The following ABCA13 variants were observed in gnomAD, a reference collection of about 807,000 sequenced individuals.
ABCA13 encodes the protein ATP-binding cassette sub-family A member 13.
A neutral mutation model predicts 478.7 loss-of-function variants in ABCA13; 476 were observed. The ratio of observed to expected loss-of-function variants is 0.99; its 90% CI spans 0.92 to 1.07. The LOEUF (loss-of-function observed/expected upper bound fraction) is 1.07, where lower values mean the gene tolerates loss of function less well. Ranked by LOEUF, ABCA13 falls within the 50% of genes least tolerant of loss-of-function variation. The pLI, the probability that ABCA13 is intolerant of heterozygous loss-of-function variation, is 0.00. For missense variants in ABCA13, 6,060 were observed against 5,910.6 expected (o/e 1.03, Z -0.83); for synonymous variants, 2,252 against 2,158.9 (o/e 1.04, Z -1.20).
At chr7:48,574,150 C>A (rs1787940855) in intron 55 of ABCA13, among the ~76,000 whole-genome samples, 1 of 152,024 alleles carries the variant, frequency 6.6e-6, no homozygotes, top group South Asian at 2.1e-4. Context: ...ACGATTCAAC[C>A]CATAACAACT....
At chr7:48,427,311 C>T (rs1821565886) in intron 41 of ABCA13, among the ~76,000 whole-genome samples, 1 of 152,184 alleles carries the variant, frequency 6.6e-6, no homozygotes, top group Non-Finnish European at 1.5e-5. Context: ...TATCATAGCC[C>T]ATGGAAAGCA....
chr7:48,417,148 G>A (rs17662136), intron 41 of ABCA13, among the ~76,000 whole-genome samples: 10,529 of 152,184 alleles, frequency 0.069, 420 homozygotes, highest in East Asian at 0.073. Context: ...CCGAAGAACA[G>A]GATCCCCCAG....
At chr7:48,313,615 T>C (rs1802097504) in intron 25 of ABCA13, among the ~76,000 whole-genome samples, 1 of 152,254 alleles carries the variant, frequency 6.6e-6, no homozygotes, top group Admixed American at 6.5e-5. Context: ...AATAATTGGC[T>C]TACAAGTTAC....
chr7:48,241,176 T>C, intron 10 of ABCA13, 110 bp downstream of exon 10: 1 of 1,303,790 alleles, frequency 7.7e-7, no homozygotes, highest in Non-Finnish European at 1.1e-6. Context: ...AGCTAAATAA[T>C]GAATTTCTTG....
intron 11 of ABCA13, 142 bp downstream of exon 11, chr7:48,244,845 T>G: frequency 9.8e-7 from 1 of 1,016,196 alleles, no homozygotes; most frequent in Non-Finnish European, 1.4e-6. Context: ...TATGCTTTAC[T>G]CTGATGCCTT....
chr7:48,374,523 C>G (rs1303110099), intron 34 of ABCA13, 107 bp downstream of exon 34: 4 of 1,016,606 alleles, frequency 3.9e-6, no homozygotes, highest in African/African-American at 1.6e-5. Context: ...TCAAGTAGAG[C>G]ATTCAGAATG....
chr7:48,285,733 T>G (rs1382839804), intron 19 of ABCA13, among the ~76,000 whole-genome samples: 1 of 152,238 alleles, frequency 6.6e-6, no homozygotes, highest in Non-Finnish European at 1.5e-5. Context: ...ACAACATAAC[T>G]TATAAACACA....
At chr7:48,248,800 C>T (rs1792087391) in intron 14 of ABCA13, among the ~76,000 whole-genome samples, 1 of 152,066 alleles carries the variant, frequency 6.6e-6, no homozygotes, top group Non-Finnish European at 1.5e-5. Flanking sequence ...AGAAAATTCG[C>T]CTTGATTTTA....
chr7:48,503,477 A>C (rs544206176), intron 48 of ABCA13, among the ~76,000 whole-genome samples: 2 of 152,058 alleles, frequency 1.3e-5, no homozygotes, highest in African/African-American at 4.8e-5. Flanking sequence ...ACAGCCTTCT[A>C]CTCTCTCTTT....
Position 48,274,057 on chromosome 7 carries a change from A to G in ABCA13, c.4391A>G (p.Lys1464Arg), listed in dbSNP as rs1327857769. ...ATAAATTGTGTCAATATTTACTTGA[A>G]AGATGTAACTGACTTTCTAAATATT... is the stretch of plus-strand genomic sequence containing the variant. ...SHINCVNIYL[K>R]DVTDFLNIVL... Residue 1464 changes from lysine to arginine, a missense_variant, in exon 17 of 62, where the codon AAA becomes AGA. Lys to Arg is a conservative substitution (Grantham distance 26, BLOSUM62 2). Coordinates refer to ENST00000435803, the MANE Select transcript of ABCA13 (RefSeq NM_152701.5). 1 of 1,605,888 alleles carries G rather than the reference A, an allele frequency of 6.2e-7. No individual in the cohort carries two copies. Among genetic ancestry groups the G allele is most frequent in the Non-Finnish European group, 8.5e-7 (1 of 1,174,776 alleles).
chr7:48,577,743 A>G (rs555810256), intron 55 of ABCA13, among the ~76,000 whole-genome samples: 3 of 152,140 alleles, frequency 2.0e-5, no homozygotes, highest in Non-Finnish European at 2.9e-5. Context: ...CAGCATTATC[A>G]TAATACTGAA....
Position 48,335,433 on chromosome 7 carries a change from CT to C in ABCA13, c.10015del (p.Tyr3339IlefsTer6). Reference sequence around the variant, plus strand: ...GCTTCATTTTGCAGGCTAATTACACCTTTTATATTGTGGACAAACTAAAAAC... The same window carrying C: ...GCTTCATTTTGCAGGCTAATTACACCTTTATATTGTGGACAAACTAAAAAC... ...NKVIQKANYT[F>X]YIVDKLKTLS... On this transcript the variant is annotated frameshift_variant, in exon 28 of 62. Coordinates refer to ENST00000435803, the MANE Select transcript of ABCA13 (RefSeq NM_152701.5). LOFTEE classifies it high-confidence loss of function. 1 of 1,608,288 alleles carries C rather than the reference CT, an allele frequency of 6.2e-7. No individual in the cohort carries two copies. Among genetic ancestry groups the C allele is most frequent in the Admixed American group, 1.7e-5 (1 of 59,478 alleles).
rs577550102 is a variant in ABCA13, at chr7:48,451,611, C to T, written c.12566-3426C>T. Among the ~76,000 whole-genome samples, 16 of 152,154 alleles carry T rather than the reference C, an allele frequency of 1.1e-4. No individual in the cohort carries two copies. In the East Asian group the frequency reaches 1.2e-3, roughly 11 times the overall value. ...CTTTTATTAACTGTATATTCCTGAA[C>T]GTTGTGTGCCCATTTTCTTTTGGAG... On this transcript the variant is annotated intron_variant, in intron 42 of 61. Transcript: ENST00000435803.
At chr7:48,321,398 G>T (rs1021753805) in intron 27 of ABCA13, among the ~76,000 whole-genome samples, 2 of 152,176 alleles carry the variant, frequency 1.3e-5, no homozygotes, top group Non-Finnish European at 2.9e-5. Flanking sequence ...GGTCAGGTGG[G>T]CATCCTGGCT....
chr7:48,457,413 T>C (rs1179971219), intron 43 of ABCA13, among the ~76,000 whole-genome samples: 2 of 152,206 alleles, frequency 1.3e-5, no homozygotes, highest in African/African-American at 4.8e-5. Flanking sequence ...TTTATTTCAC[T>C]GATACCATTT....
intron 51 of ABCA13, among the ~76,000 whole-genome samples, chr7:48,515,326 G>A (rs566815441): frequency 2.0e-5 from 3 of 152,300 alleles, no homozygotes; most frequent in South Asian, 4.1e-4. Flanking sequence ...AGGAACCATC[G>A]TTCAAAGTGT....
At chr7:48,631,583 A>G (rs912856260) in intron 59 of ABCA13, among the ~76,000 whole-genome samples, 3 of 152,086 alleles carry the variant, frequency 2.0e-5, no homozygotes, top group African/African-American at 7.2e-5. Flanking sequence ...AATTCAGATA[A>G]TGTAATGGCT....
intron 27 of ABCA13, among the ~76,000 whole-genome samples, chr7:48,326,031 C>A (rs1804276190): frequency 6.6e-6 from 1 of 152,224 alleles, no homozygotes; most frequent in Non-Finnish European, 1.5e-5. Context: ...ACATGCCACA[C>A]CTGCAGAAAT....
intron 55 of ABCA13, among the ~76,000 whole-genome samples, chr7:48,563,170 C>A (rs1786648490): frequency 6.6e-6 from 1 of 152,008 alleles, no homozygotes; most frequent in Admixed American, 6.6e-5. Flanking sequence ...TATAGTTTTC[C>A]CCAGTCATGC....
Sources: allele counts gnomAD v4.1 joint callset (sites outside exome capture counted in the v4.1 genomes callset), GRCh38; gene constraint gnomAD v4.1.1; transcripts MANE v1.5; gene names NCBI Gene and HGNC (gene_info 2026-07-23, HGNC 2026-07-21).